The following LRRTM4 variants were observed in gnomAD, a reference collection of about 807,000 sequenced individuals.
LRRTM4 encodes leucine-rich repeat transmembrane neuronal protein 4.
A neutral mutation model predicts 47.6 loss-of-function variants in LRRTM4; 25 were observed. The observed-to-expected ratio is 0.53, with a 90% CI of 0.38 to 0.73. The LOEUF is 0.73. LRRTM4 is among the 30% of genes least tolerant of loss of function. The pLI, the probability that LRRTM4 is intolerant of heterozygous loss-of-function variation, is 0.00. For synonymous variants in LRRTM4, 311 were observed against 269.5 expected, an observed-to-expected ratio of 1.15 and a Z score of -1.51; for missense variants, 638 against 713.4, an observed-to-expected ratio of 0.89 and a Z score of 1.20.
At chr2:77,373,079 T>TA (rs34776298) in intron 3 of LRRTM4, among the ~76,000 whole-genome samples, 5,864 of 133,326 alleles carry the variant, frequency 0.044, 235 homozygotes, top group African/African-American at 0.1. Context: ...AACCAACAAT[T>TA]AAAAAAAAAA....
At chr2:77,416,070 T>A (rs888660482) in intron 3 of LRRTM4, among the ~76,000 whole-genome samples, 2 of 152,152 alleles carry the variant, frequency 1.3e-5, no homozygotes, top group Non-Finnish European at 2.9e-5. Flanking sequence ...TACAGTTATT[T>A]TCTTTTCACA....
At chr2:77,370,213 A>C (rs1672609535) in intron 3 of LRRTM4, among the ~76,000 whole-genome samples, 1 of 151,664 alleles carries the variant, frequency 6.6e-6, no homozygotes, top group Non-Finnish European at 1.5e-5. Context: ...TATTAGGCCC[A>C]GTTACTTACA....
chr2:76,897,146 T>C (rs760862264), intron 3 of LRRTM4, among the ~76,000 whole-genome samples: 5 of 152,114 alleles, frequency 3.3e-5, no homozygotes, highest in Admixed American at 3.3e-4. Context: ...CTCTGAGAAC[T>C]TGTGATGACA....
Position 77,045,550 on chromosome 2 carries a change from T to C in LRRTM4, c.1552-296634A>G, listed in dbSNP as rs529947742. ...GTTGTGGGAGGGACCCAGTGGGAGG[T>C]AATTGAATCGTGAGGGCAGGTGTTT... On this transcript the variant is annotated intron_variant, in intron 3 of 3. Transcript: ENST00000409884. Among the ~76,000 whole-genome samples, 3 of 151,950 alleles carry C rather than the reference T, an allele frequency of 2.0e-5. 1 individual carries two copies. The highest frequency in any genetic ancestry group is 4.8e-5 in the African/African-American group (2 of 41,490).
intron 3 of LRRTM4, among the ~76,000 whole-genome samples, chr2:76,858,362 A>C (rs1022209138): frequency 3.1e-4 from 47 of 152,192 alleles, no homozygotes; most frequent in African/African-American, 1.1e-3. Context: ...TTCCGACCTG[A>C]AGTCAAACAG....
chr2:77,442,661 AG>A (rs1675890013), intron 3 of LRRTM4, among the ~76,000 whole-genome samples: 1 of 152,200 alleles, frequency 6.6e-6, no homozygotes, highest in Admixed American at 6.5e-5. Context: ...TTTTTGGTAA[AG>A]CAACCATTTG....
chr2:77,366,363 A>G (rs1056844865), intron 3 of LRRTM4, among the ~76,000 whole-genome samples: 2 of 151,828 alleles, frequency 1.3e-5, no homozygotes, highest in African/African-American at 2.4e-5. Flanking sequence ...CTGTCTTTGC[A>G]GTAATGGTAC....
chr2:76,978,268 T>C (rs1676484228), intron 3 of LRRTM4, among the ~76,000 whole-genome samples: 1 of 152,032 alleles, frequency 6.6e-6, no homozygotes. Flanking sequence ...ATTAATACCT[T>C]GCTAAGGCAT....
intron 3 of LRRTM4, among the ~76,000 whole-genome samples, chr2:77,069,789 A>G (rs974681528): frequency 6.6e-6 from 1 of 152,194 alleles, no homozygotes; most frequent in Non-Finnish European, 1.5e-5. Context: ...TGGAATATAT[A>G]GTAGTTTTAC....
intron 3 of LRRTM4, among the ~76,000 whole-genome samples, chr2:77,194,033 G>A (rs1423980358): frequency 3.9e-5 from 6 of 152,116 alleles, no homozygotes; most frequent in African/African-American, 9.7e-5. Flanking sequence ...ACATCTTCCA[G>A]TATTCAGTTA....
chr2:77,153,153 A>G (rs1672473766), intron 3 of LRRTM4, among the ~76,000 whole-genome samples: 1 of 152,150 alleles, frequency 6.6e-6, no homozygotes. Flanking sequence ...AGCACCTTTA[A>G]TGCTCACATA....
At chr2:77,049,145 T>TATATATATATATATAC (rs1679339384) in intron 3 of LRRTM4, among the ~76,000 whole-genome samples, 1 of 133,858 alleles carries the variant, frequency 7.5e-6, no homozygotes, top group East Asian at 2.1e-4. Context: ...TATATATATA[T>TATATATATATATATAC]ATATATATAT....
chr2:77,385,804 G>A lies in LRRTM4; in HGVS notation c.1551+132514C>T, dbSNP rs138242739. 2.9e-4 allele frequency among the ~76,000 whole-genome samples: 40 copies of A among 137,530 alleles called. No homozygotes were observed. In the East Asian group the frequency reaches 6.4e-3, roughly 22 times the overall value. 90.2% of individuals were successfully genotyped at this position (137,530 alleles called of 152,430 possible). On this transcript the variant is annotated intron_variant, in intron 3 of 3. Coordinates refer to ENST00000409884, the MANE Select transcript of LRRTM4 (RefSeq NM_001134745.3). ...ACTCTGTCACCCAGGCTGGAGTGCC[G>A]TGGCACGATCTCAGCTCGGTGTAAC...
intron 3 of LRRTM4, among the ~76,000 whole-genome samples, chr2:76,937,041 A>G (rs896073894): frequency 1.3e-5 from 2 of 150,264 alleles, no homozygotes; most frequent in African/African-American, 4.9e-5. Flanking sequence ...CATGGTGACA[A>G]TGACAACGGG....
intron 3 of LRRTM4, among the ~76,000 whole-genome samples, chr2:77,129,048 A>G (rs1284697177): frequency 6.6e-6 from 1 of 152,160 alleles, no homozygotes; most frequent in Non-Finnish European, 1.5e-5. Flanking sequence ...GGTATTTCCA[A>G]TCAAATAATA....
intron 3 of LRRTM4, among the ~76,000 whole-genome samples, chr2:77,080,655 CTCATTT>C (rs1680500760): frequency 6.6e-6 from 1 of 150,376 alleles, no homozygotes; most frequent in Non-Finnish European, 1.5e-5. Flanking sequence ...CTCTCTCTTT[CTCATTT>C]TAACAAATTA....
intron 3 of LRRTM4, among the ~76,000 whole-genome samples, chr2:77,027,560 A>C (rs555549219): frequency 6.6e-6 from 1 of 152,296 alleles, no homozygotes; most frequent in African/African-American, 2.4e-5. Flanking sequence ...GCATTTTAAT[A>C]TCTTAACAAA....
At chr2:77,421,525 G>A (rs1417788045) in intron 3 of LRRTM4, among the ~76,000 whole-genome samples, 1 of 152,094 alleles carries the variant, frequency 6.6e-6, no homozygotes, top group Middle Eastern at 3.2e-3. Context: ...GGCTAACACG[G>A]TGAAACCCCT....
chr2:76,852,415 A>C (rs1336353583), intron 3 of LRRTM4, among the ~76,000 whole-genome samples: 1 of 152,190 alleles, frequency 6.6e-6, no homozygotes, highest in Non-Finnish European at 1.5e-5. Context: ...GCTTATGTGA[A>C]GATCCAAATA....
Sources: allele counts gnomAD v4.1 joint callset (sites outside exome capture counted in the v4.1 genomes callset), GRCh38; gene constraint gnomAD v4.1.1; transcripts MANE v1.5; gene names NCBI Gene and HGNC (gene_info 2026-07-23, HGNC 2026-07-21).